MUSK: variants seen among roughly 807,000 people sequenced by gnomAD.
MUSK encodes the protein muscle associated receptor tyrosine kinase.
A neutral mutation model predicts 88.7 loss-of-function variants in MUSK; 55 were observed. The observed-to-expected ratio is 0.62, with a 90% confidence interval of 0.50 to 0.78. The LOEUF is 0.78. Ranked by LOEUF, MUSK falls within the 30% of genes least tolerant of loss-of-function variation. MUSK has a pLI of 0.00. For synonymous variants in MUSK, 387 were observed against 391.9 expected, an observed-to-expected ratio of 0.99 and a Z score of 0.15; for missense variants, 1,015 against 1,074.3, an observed-to-expected ratio of 0.94 and a Z score of 0.77.
rs532554048 is a variant in MUSK at position 110,802,492 on chromosome 9, G to A, written c.*1504G>A. ...TGAAAGTAGATTTTCGCTGTCTGCT[G>A]GAAAACTCTGCCTGAAATCCCCAAA... On this transcript the variant is annotated 3_prime_UTR_variant, in exon 15 of 15. Transcript: ENST00000374448. Among the ~76,000 whole-genome samples the A allele has an allele frequency of 6.6e-6, 1 of 152,264 alleles. No homozygotes were observed. The highest frequency in any genetic ancestry group is 1.9e-4 in the East Asian group (1 of 5,184).
At chr9:110,739,709 C>T (rs1449580527) in intron 6 of MUSK, among the ~76,000 whole-genome samples, 1 of 152,074 alleles carries the variant, frequency 6.6e-6, no homozygotes, top group East Asian at 1.9e-4. Context: ...CTTTTTACTG[C>T]ACAGCAGTAA....
At chr9:110,761,232 G>T (rs553609133) in intron 7 of MUSK, among the ~76,000 whole-genome samples, 21 of 152,322 alleles carry the variant, frequency 1.4e-4, no homozygotes, top group Non-Finnish European at 1.8e-4. Context: ...CATACCACCA[G>T]AGGAGAGGCG....
intron 11 of MUSK, among the ~76,000 whole-genome samples, chr9:110,779,291 T>A (rs1424569800): frequency 6.6e-6 from 1 of 152,130 alleles, no homozygotes. Context: ...ATTTCTCAAT[T>A]CCTTTGTAGA....
At chr9:110,762,753 G>T (rs1275698859) in intron 8 of MUSK, among the ~76,000 whole-genome samples, 1 of 152,036 alleles carries the variant, frequency 6.6e-6, no homozygotes, top group Non-Finnish European at 1.5e-5. Flanking sequence ...TGTTTTATTT[G>T]CAGTACTTTT....
intron 6 of MUSK, among the ~76,000 whole-genome samples, chr9:110,743,895 T>G (rs568722473): frequency 6.6e-6 from 1 of 152,318 alleles, no homozygotes; most frequent in East Asian, 1.9e-4. Flanking sequence ...TATTATCCCT[T>G]TTTCTATGAT....
chr9:110,770,135 C>T (rs796309321), intron 9 of MUSK, among the ~76,000 whole-genome samples: 28 of 151,594 alleles, frequency 1.8e-4, no homozygotes, highest in African/African-American at 6.8e-4. Context: ...TAATTACTGT[C>T]TTTATAATTA....
chr9:110,744,114 G>A (rs2077140639), intron 6 of MUSK, among the ~76,000 whole-genome samples: 1 of 151,994 alleles, frequency 6.6e-6, no homozygotes, highest in African/African-American at 2.4e-5. Context: ...ACTACAGGTG[G>A]GTGCCATCAA....
At chr9:110,678,976 T>A (rs377428940) in intron 1 of MUSK, among the ~76,000 whole-genome samples, 2 of 152,240 alleles carry the variant, frequency 1.3e-5, no homozygotes, top group Admixed American at 6.5e-5. Context: ...TAAAATCAAT[T>A]CTTTGAGCTG....
intron 14 of MUSK, among the ~76,000 whole-genome samples, chr9:110,790,023 A>G (rs1277156624): frequency 6.6e-6 from 1 of 152,224 alleles, no homozygotes; most frequent in Non-Finnish European, 1.5e-5. Flanking sequence ...GGAGCATTCC[A>G]GTATTTAGTG....
intron 14 of MUSK, among the ~76,000 whole-genome samples, chr9:110,790,517 G>T (rs1456376791): frequency 6.6e-6 from 1 of 152,186 alleles, no homozygotes. Flanking sequence ...CAGTGAGAGG[G>T]AATGGAATCT....
intron 5 of MUSK, among the ~76,000 whole-genome samples, chr9:110,732,084 GC>G (rs955341726): frequency 1.6e-4 from 25 of 152,160 alleles, no homozygotes; most frequent in Admixed American, 2.0e-4. Flanking sequence ...CATTCAAAAG[GC>G]GTTTTTGATT....
chr9:110,677,666 A>C (rs1445785615), intron 1 of MUSK, among the ~76,000 whole-genome samples: 1 of 152,076 alleles, frequency 6.6e-6, no homozygotes. Context: ...TCTCCACTGC[A>C]CCAAGCCAAA....
chr9:110,735,496 TA>T (rs941232582), intron 6 of MUSK, among the ~76,000 whole-genome samples: 33 of 151,974 alleles, frequency 2.2e-4, no homozygotes, highest in Admixed American at 1.3e-3. Context: ...CTTTCATAAC[TA>T]AAAAAATTGA....
At chr9:110,694,215 CAAAAAAAA>C (rs1217917603) in intron 3 of MUSK, among the ~76,000 whole-genome samples, 63 of 72,096 alleles carry the variant, frequency 8.7e-4, no homozygotes, top group African/African-American at 3.2e-3. Flanking sequence ...ACTAAAAATA[CAAAAAAAA>C]AAAAAAAAAA....
Position 110,779,306 on chromosome 9 carries a change from A to G in MUSK, c.1384+2651A>G, listed in dbSNP as rs144122503. The stretch of plus-strand genomic sequence containing the variant: ...ATTTCTCAATTCCTTTGTAGAATAC[A>G]TTAATTATTTCAACAATTTAGCTAT... On this transcript the variant is annotated intron_variant, in intron 11 of 14. Coordinates refer to ENST00000374448, the MANE Select transcript of MUSK (RefSeq NM_005592.4). 6.3e-3 allele frequency among the ~76,000 whole-genome samples: 953 copies of G among 152,200 alleles called. 9 individuals are homozygous for G. Among genetic ancestry groups the G allele is most frequent in the African/African-American group, 0.022 (918 of 41,552 alleles).
chr9:110,681,168 A>T (rs1259961358), intron 1 of MUSK, among the ~76,000 whole-genome samples: 4 of 92,454 alleles, frequency 4.3e-5, no homozygotes, highest in South Asian at 5.8e-4. Flanking sequence ...TATAAAAATT[A>T]TTATAATATA....
At chr9:110,694,409 A>G (rs1431308299) in intron 3 of MUSK, among the ~76,000 whole-genome samples, 1 of 142,368 alleles carries the variant, frequency 7.0e-6, no homozygotes. Context: ...AAAAAAAACA[A>G]AAAAACAAAA....
chr9:110,739,778 T>C (rs944123733), intron 6 of MUSK, among the ~76,000 whole-genome samples: 2 of 152,102 alleles, frequency 1.3e-5, no homozygotes, highest in African/African-American at 4.8e-5. Context: ...CTTAAGGAGA[T>C]GGGTGCATGT....
intron 8 of MUSK, among the ~76,000 whole-genome samples, chr9:110,764,618 G>GATAC (rs1358749412): frequency 9.6e-5 from 14 of 146,548 alleles, no homozygotes; most frequent in African/African-American, 3.4e-4. Context: ...TAGATAGATA[G>GATAC]ATAGATAGAT....
Sources: allele counts gnomAD v4.1 joint callset (sites outside exome capture counted in the v4.1 genomes callset), GRCh38; gene constraint gnomAD v4.1.1; transcripts MANE v1.5; gene names NCBI Gene and HGNC (gene_info 2026-07-23, HGNC 2026-07-21).